The following ARB2A variants were observed in gnomAD, a reference collection of about 807,000 sequenced individuals.
ARB2A encodes the protein ARB2 cotranscriptional regulator A.
At chr5:93,865,428 C>A in the ARB2A span, 1 of 985,324 alleles carries the variant, frequency 1.0e-6, no homozygotes, top group South Asian at 4.7e-5. Context: ...TTATTCTTCT[C>A]CTTTTATCTT....
At chr5:94,044,631 T>C in the ARB2A span, among the ~76,000 whole-genome samples, 1 of 152,034 alleles carries the variant, frequency 6.6e-6, no homozygotes, top group East Asian at 1.9e-4. Flanking sequence ...CTGGGTAAAA[T>C]GAGGCTGAGA....
the ARB2A span, among the ~76,000 whole-genome samples, chr5:93,720,456 T>A: frequency 6.6e-6 from 1 of 152,216 alleles, no homozygotes; most frequent in African/African-American, 2.4e-5. Flanking sequence ...TCTGAGTTCT[T>A]TCGGTGTCAT....
At chr5:93,740,181 T>C in the ARB2A span, 1 of 161,286 alleles carries the variant, frequency 6.2e-6, no homozygotes, top group Non-Finnish European at 1.4e-5. Context: ...AATTGTATAC[T>C]AAGGTAGTCT....
chr5:93,947,880 T>C, the ARB2A span, among the ~76,000 whole-genome samples: 1 of 151,808 alleles, frequency 6.6e-6, no homozygotes, highest in Non-Finnish European at 1.5e-5. Context: ...TATTCCATGG[T>C]GTATATGTGC....
At chr5:93,992,760 C>A in the ARB2A span, among the ~76,000 whole-genome samples, 1 of 151,866 alleles carries the variant, frequency 6.6e-6, no homozygotes, top group African/African-American at 2.4e-5. Context: ...TTTGACAAAT[C>A]TAAATGATAG....
chr5:94,078,573 A>T, the ARB2A span, among the ~76,000 whole-genome samples: 2 of 152,192 alleles, frequency 1.3e-5, no homozygotes, highest in Non-Finnish European at 2.9e-5. Flanking sequence ...GACAAAGCCC[A>T]GGGTAATAAG....
chr5:94,007,469 A>C, the ARB2A span, among the ~76,000 whole-genome samples: 1 of 152,200 alleles, frequency 6.6e-6, no homozygotes, highest in East Asian at 1.9e-4. Flanking sequence ...CTATTGTTCA[A>C]AGATGTTAGC....
the ARB2A span, among the ~76,000 whole-genome samples, chr5:93,721,983 T>C: frequency 6.6e-6 from 1 of 152,302 alleles, no homozygotes; most frequent in East Asian, 1.9e-4. Flanking sequence ...CTAAAATACC[T>C]AGCATTTCCT....
At chr5:94,106,756 G>C in the ARB2A span, among the ~76,000 whole-genome samples, 1 of 145,976 alleles carries the variant, frequency 6.9e-6, no homozygotes, top group Non-Finnish European at 1.5e-5. Context: ...ACTGAACAAA[G>C]AAAATGTGGC....
the ARB2A span, chr5:93,910,826 T>C: frequency 6.6e-6 from 1 of 151,558 alleles, no homozygotes; most frequent in Non-Finnish European, 1.5e-5. Flanking sequence ...AAGACATTTA[T>C]ATTGCAATTT....
chr5:94,021,410 G>A, the ARB2A span, among the ~76,000 whole-genome samples: 4 of 152,162 alleles, frequency 2.6e-5, no homozygotes, highest in Admixed American at 6.6e-5. Context: ...CAGTTCCAAG[G>A]TGATGGACAG....
the ARB2A span, among the ~76,000 whole-genome samples, chr5:93,708,615 C>A: frequency 6.6e-6 from 1 of 152,110 alleles, no homozygotes; most frequent in Non-Finnish European, 1.5e-5. Flanking sequence ...TGACAGGAGG[C>A]GGAGCTCAGG....
the ARB2A span, among the ~76,000 whole-genome samples, chr5:93,641,363 C>T: frequency 6.6e-6 from 1 of 151,774 alleles, no homozygotes; most frequent in Admixed American, 6.6e-5. Context: ...TAGGTAGATG[C>T]CATCTATTAT....
chr5:94,025,608 G>T, the ARB2A span, among the ~76,000 whole-genome samples: 1 of 152,180 alleles, frequency 6.6e-6, no homozygotes, highest in African/African-American at 2.4e-5. Flanking sequence ...GAAACCAATA[G>T]CAGTGAAGAT....
chr5:93,703,083 A>G, the ARB2A span, among the ~76,000 whole-genome samples: 2 of 152,232 alleles, frequency 1.3e-5, no homozygotes, highest in Non-Finnish European at 2.9e-5. Context: ...ACCAAGGTAT[A>G]ACTTGCAAAT....
At chr5:93,928,002 T>C in the ARB2A span, among the ~76,000 whole-genome samples, 2 of 152,144 alleles carry the variant, frequency 1.3e-5, no homozygotes, top group Non-Finnish European at 2.9e-5. Flanking sequence ...CAATTCCTTT[T>C]TTTTTTTCAT....
the ARB2A span, among the ~76,000 whole-genome samples, chr5:93,730,161 A>C: frequency 1.3e-5 from 2 of 152,168 alleles, no homozygotes; most frequent in South Asian, 2.1e-4. Flanking sequence ...AGATGCTTTC[A>C]CTTCTCATTT....
chr5:93,843,535 A>C, the ARB2A span, among the ~76,000 whole-genome samples: 13 of 149,876 alleles, frequency 8.7e-5, no homozygotes, highest in Non-Finnish European at 1.6e-4. Flanking sequence ...GTGATCCTCC[A>C]GCCTTAGCCT....
chr5:94,023,333 A>T, the ARB2A span, among the ~76,000 whole-genome samples: 1 of 152,240 alleles, frequency 6.6e-6, no homozygotes, highest in Non-Finnish European at 1.5e-5. Context: ...CCAAGGATAG[A>T]ATGGTTTGAC....
Sources: allele counts gnomAD v4.1 joint callset (sites outside exome capture counted in the v4.1 genomes callset), GRCh38; gene constraint gnomAD v4.1.1; transcripts MANE v1.5; gene names NCBI Gene and HGNC (gene_info 2026-07-23, HGNC 2026-07-21).